The following ZDHHC19 variants were observed in gnomAD, a reference collection of about 807,000 sequenced individuals.
ZDHHC19 encodes the protein palmitoyltransferase ZDHHC19.
Under a neutral mutation model 33.9 loss-of-function variants are expected in ZDHHC19, and 30 were observed. That is an observed-to-expected ratio of 0.88 (90% CI 0.66 to 1.20). ZDHHC19 has a LOEUF of 1.20. Among genes scored for constraint, ZDHHC19 ranks in the 50% most tolerant of loss-of-function variants. The pLI is 0.00. For missense variants in ZDHHC19, 364 were observed against 401.1 expected (o/e 0.91, Z 0.79); for synonymous variants, 178 against 167.6 (o/e 1.06, Z -0.48).
chr3:196,209,233 G>C, intron 3 of ZDHHC19, 143 bp downstream of exon 3: 1 of 1,177,990 alleles, frequency 8.5e-7, no homozygotes, highest in Non-Finnish European at 1.2e-6. Context: ...AGTGACCAAG[G>C]GTGGCTGGGA....
At chr3:196,210,130 G>T (rs1219731388) in intron 2 of ZDHHC19, among the ~76,000 whole-genome samples, 1 of 151,992 alleles carries the variant, frequency 6.6e-6, no homozygotes, top group Non-Finnish European at 1.5e-5. Context: ...GGTGGAGCTT[G>T]CAGTGAGCGG....
chr3:196,207,486 G>A lies in ZDHHC19; in HGVS notation c.599C>T (p.Ser200Phe). ...CAGCGGCACCAGGAGGCCCGCGGCG[G>A]ACACGGCCACCACGATGCTGCGCGG... ...DKAIAIVVAVSAAGLLVPLSL... is the reference protein window; with the variant it reads ...DKAIAIVVAVFAAGLLVPLSL... Residue 200 changes from serine to phenylalanine, a missense_variant, in exon 5 of 8, where the codon TCC (serine) becomes TTC (phenylalanine). Ser to Phe is a radical substitution (Grantham distance 155). Coordinates refer to ENST00000296326, the MANE Select transcript of ZDHHC19 (RefSeq NM_001039617.2). 1 of 1,564,304 alleles carries A rather than the reference G, an allele frequency of 6.4e-7. No individual in the cohort carries two copies. Among genetic ancestry groups the A allele is most frequent in the South Asian group, 1.2e-5 (1 of 85,118 alleles).
chr3:196,208,337 C>T (rs756275518), intron 4 of ZDHHC19, 51 bp downstream of exon 4: 2 of 1,598,084 alleles, frequency 1.3e-6, no homozygotes, highest in East Asian at 2.2e-5. Context: ...TCTGCAGCCC[C>T]CTCCTTGGCT....
intron 5 of ZDHHC19, 101 bp downstream of exon 5, chr3:196,207,297 C>T (rs929910528): frequency 1.9e-6 from 2 of 1,035,634 alleles, no homozygotes; most frequent in Non-Finnish European, 2.8e-6. Context: ...GAGGCACCAT[C>T]GCGGGTGGGG....
Position 196,209,362 on chromosome 3 carries a change from A to G in ZDHHC19, c.408+14T>C. The G allele has an allele frequency of 6.3e-7, 1 of 1,588,432 alleles. No homozygotes were observed. The highest frequency in any genetic ancestry group is 8.6e-7 in the Non-Finnish European group (1 of 1,168,050). On this transcript the variant is annotated intron_variant, in intron 3 of 7. Transcript: ENST00000296326. ...GTGGGGCGATGGCTGGTGGACAGGT[A>G]GAGGGGCACTCACCTCCACACAGAT...
chr3:196,200,069 C>A (rs1722144699), intron 5 of ZDHHC19, among the ~76,000 whole-genome samples: 1 of 151,596 alleles, frequency 6.6e-6, no homozygotes, highest in Non-Finnish European at 1.5e-5. Context: ...AAGGGAGGAT[C>A]TCTTGACCCC....
At chr3:196,198,143 TCCTCCCCCCAAG>T in intron 7 of ZDHHC19, 121 bp downstream of exon 7, 2 of 878,892 alleles carry the variant, frequency 2.3e-6, no homozygotes, top group South Asian at 3.5e-5. Context: ...TGTAGAACCC[TCCTCCCCCCAAG>T]CTCGGAGCGC....
Position 196,209,399 on chromosome 3 carries a change from G to C in ZDHHC19, c.385C>G (p.Pro129Ala), listed in dbSNP as rs1481005593. ...ACCTCCACACAGATGTTGCACCAGGGGCAGTGGTAAGTCCGGGGCGGGCGG... is the reference window on the plus strand; with the variant it reads ...ACCTCCACACAGATGTTGCACCAGGCGCAGTGGTAAGTCCGGGGCGGGCGG... ...FHRPPRTYHC[P>A]WCNICVEDFD... The change falls in exon 3 of 8, where the codon CCC (proline) becomes GCC (alanine). Residue 129 changes from proline (P) to alanine (A), a missense_variant. By Grantham distance (27) the Pro-to-Ala change is conservative. Coordinates refer to ENST00000296326, the MANE Select transcript of ZDHHC19 (RefSeq NM_001039617.2). The C allele has an allele frequency of 1.2e-6, 2 of 1,604,760 alleles. No individual in the cohort carries two copies. The highest frequency in any genetic ancestry group is 8.5e-7 in the Non-Finnish European group (1 of 1,176,140).
chr3:196,210,397 AAG>A (rs1723177652), intron 2 of ZDHHC19, among the ~76,000 whole-genome samples: 2 of 145,232 alleles, frequency 1.4e-5, no homozygotes, highest in East Asian at 2.0e-4. Context: ...GAAGGAAAGA[AAG>A]AGGGAGAGAG....
At chr3:196,208,166 C>A (rs1464708110) in intron 4 of ZDHHC19, among the ~76,000 whole-genome samples, 2 of 151,906 alleles carry the variant, frequency 1.3e-5, no homozygotes, top group South Asian at 4.1e-4. Flanking sequence ...CCCAAAGTGC[C>A]GGAATTACAG....
At chr3:196,205,516 T>C (rs532939466) in intron 5 of ZDHHC19, among the ~76,000 whole-genome samples, 47 of 152,312 alleles carry the variant, frequency 3.1e-4, no homozygotes, top group African/African-American at 1.1e-3. Context: ...CCATGATCTC[T>C]GATTTTTGGG....
chr3:196,198,101 AG>A (rs2108707133), intron 7 of ZDHHC19, among the ~76,000 whole-genome samples, 174 bp downstream of exon 7: 1 of 152,144 alleles, frequency 6.6e-6, no homozygotes, highest in South Asian at 2.1e-4. Context: ...TGTATTCTAG[AG>A]GCCTGGGCCC....
In ZDHHC19 at chr3:196,203,363, A is replaced by C. The variant is rs1722509707; in HGVS notation, c.687+4035T>G. On this transcript the variant is annotated intron_variant, in intron 5 of 7. Coordinates refer to ENST00000296326, the MANE Select transcript of ZDHHC19 (RefSeq NM_001039617.2). This position sits in a 1 kb window ranked among gnomAD's most constrained non-coding sequence, Gnocchi z 4.3. ...AGCTGCTACTCTATGTCTTAAACTC[A>C]CCCATGCTGCCCATTTTACAGTTGG... 6.6e-6 allele frequency among the ~76,000 whole-genome samples: 1 copy of C among 152,200 alleles called. No homozygotes were observed. The highest frequency in any genetic ancestry group is 1.5e-5 in the Non-Finnish European group (1 of 68,032).
chr3:196,210,331 AAGAAAGAAAGAAAAG>A (rs1406643822), intron 2 of ZDHHC19, among the ~76,000 whole-genome samples: 1 of 135,108 alleles, frequency 7.4e-6, no homozygotes, highest in Non-Finnish European at 1.6e-5. Context: ...GAAGGAAAGA[AAGAAAGAAAGAAAAG>A]AGAAAGAAAG....
rs1472014451 is a variant in ZDHHC19 at position 196,207,455 on chromosome 3, G to C, written c.630C>G (p.Leu210=). 6.3e-7 allele frequency: 1 copy of C among 1,576,700 alleles called. No individual in the cohort carries two copies. The change falls in exon 5 of 8, where the codon CTC becomes CTG. Residue 210 remains leucine, a synonymous_variant. Coordinates refer to ENST00000296326, the MANE Select transcript of ZDHHC19 (RefSeq NM_001039617.2). ...SAAGLLVPLS[L]LLLIQALSVS... Reference sequence around the variant, plus strand: ...CGGACAGTGCCTGGATCAGCAGCAGGAGGGACAGCGGCACCAGGAGGCCCG... The same window carrying C: ...CGGACAGTGCCTGGATCAGCAGCAGCAGGGACAGCGGCACCAGGAGGCCCG...
At chr3:196,198,736 C>T in intron 6 of ZDHHC19, 53 bp downstream of exon 6, 2 of 1,607,888 alleles carry the variant, frequency 1.2e-6, no homozygotes, top group Admixed American at 1.7e-5. Context: ...GGTGAACCCA[C>T]CTCTGCCCCA....
At chr3:196,204,630 A>G (rs927605877) in intron 5 of ZDHHC19, among the ~76,000 whole-genome samples, 1 of 152,250 alleles carries the variant, frequency 6.6e-6, no homozygotes, top group African/African-American at 2.4e-5. Flanking sequence ...AGTCATTAGG[A>G]AAATACAAAC....
chr3:196,210,442 AAGAAAGAAAAGAG>A (rs1723192468), intron 2 of ZDHHC19, among the ~76,000 whole-genome samples, 161 bp downstream of exon 2: 1 of 104,832 alleles, frequency 9.5e-6, no homozygotes, highest in South Asian at 2.9e-4. Context: ...AAGAGAAAGA[AAGAAAGAAAAGAG>A]AAGAGAAGAA....
In ZDHHC19 at chr3:196,210,733, T is replaced by C. The variant is rs1723230288; in HGVS notation, c.151A>G (p.Arg51Gly). The stretch of plus-strand genomic sequence containing the variant: ...CACTCCCCGTTCTGAGCCAGCCACC[T>C]GCAACTGAGACCAGAGGCAGGCTCG... Reference protein sequence around the residue: ...FSGLFFAFPCRWLAQNGEWAF... With the variant: ...FSGLFFAFPCGWLAQNGEWAF... The change falls in exon 2 of 8, where the codon AGG becomes GGG. Residue 51 changes from arginine (R) to glycine (G), a missense_variant. By Grantham distance (125) the Arg-to-Gly change is moderately radical (BLOSUM62 -2). Coordinates refer to ENST00000296326, the MANE Select transcript of ZDHHC19 (RefSeq NM_001039617.2). 1 of 1,613,464 alleles carries C rather than the reference T, an allele frequency of 6.2e-7. No homozygotes were observed. Among genetic ancestry groups the C allele is most frequent in the Non-Finnish European group, 8.5e-7 (1 of 1,179,708 alleles).
Sources: gnomAD v4.1 joint callset for allele counts (sites outside exome capture counted in the v4.1 genomes callset) on GRCh38, gnomAD v4.1.1 for gene constraint, Gnocchi (gnomAD v3.1) non-coding constraint, MANE v1.5 for transcripts, NCBI Gene and HGNC (gene_info 2026-07-23, HGNC 2026-07-21) for gene names.